ANK2: variants seen among roughly 807,000 people sequenced by gnomAD.
ANK2 encodes ankyrin 2.
Under a neutral mutation model 360.5 loss-of-function variants are expected in ANK2, and 83 were observed. The ratio of observed to expected loss-of-function variants is 0.23; its 90% confidence interval spans 0.19 to 0.28. The LOEUF (loss-of-function observed/expected upper bound fraction) is 0.28. ANK2 is among the 10% of genes least tolerant of loss of function. The pLI is 1.00. For missense variants in ANK2, 4,201 were observed against 4,795.7 expected (o/e 0.88, Z 3.66); for synonymous variants, 1,740 against 1,759.5 (o/e 0.99, Z 0.28).
intron 2 of ANK2, among the ~76,000 whole-genome samples, chr4:113,009,104 A>C (rs1015566744): frequency 6.6e-6 from 1 of 152,218 alleles, no homozygotes; most frequent in Non-Finnish European, 1.5e-5. Context: ...AAGGTTTTAA[A>C]TTATAAACAT....
intron 2 of ANK2, among the ~76,000 whole-genome samples, chr4:112,946,122 T>C (rs895298827): frequency 6.6e-6 from 1 of 152,192 alleles, no homozygotes; most frequent in Non-Finnish European, 1.5e-5. Context: ...GAAACTCAGT[T>C]GCCTTTCCTG....
the ANK2 span, among the ~76,000 whole-genome samples, chr4:112,717,429 G>T: frequency 6.6e-6 from 1 of 152,078 alleles, no homozygotes; most frequent in South Asian, 2.1e-4. Flanking sequence ...TTGGAATTGA[G>T]CAAATCAAAT....
At chr4:113,324,161 A>G (rs1037120984) in intron 26 of ANK2, among the ~76,000 whole-genome samples, 1 of 152,160 alleles carries the variant, frequency 6.6e-6, no homozygotes, top group African/African-American at 2.4e-5. Flanking sequence ...TTAGGGTTTT[A>G]TTAAAGGTTA....
intron 2 of ANK2, among the ~76,000 whole-genome samples, chr4:112,968,296 C>A (rs1252111636): frequency 6.6e-6 from 1 of 152,180 alleles, no homozygotes; most frequent in Non-Finnish European, 1.5e-5. Context: ...GATGTTGGGT[C>A]TCTGGCTCGG....
chr4:113,242,372 C>T (rs898093831), intron 9 of ANK2, among the ~76,000 whole-genome samples, 163 bp downstream of exon 9: 6 of 152,040 alleles, frequency 3.9e-5, no homozygotes, highest in South Asian at 2.1e-4. Context: ...GGGTTCATAC[C>T]GTACAGTGAA....
intron 1 of ANK2, among the ~76,000 whole-genome samples, chr4:112,864,790 T>C (rs1053318043): frequency 4.7e-5 from 7 of 150,024 alleles, no homozygotes; most frequent in Non-Finnish European, 3.0e-5. Context: ...ACTAGCACTT[T>C]GGGAGGCCGA....
the ANK2 span, among the ~76,000 whole-genome samples, chr4:112,790,876 T>G: frequency 2.0e-5 from 3 of 152,292 alleles, no homozygotes; most frequent in East Asian, 5.8e-4. Context: ...ACTAATTCAG[T>G]AAAATATAAT....
chr4:112,781,456 CTAAT>C, the ANK2 span, among the ~76,000 whole-genome samples: 1 of 152,028 alleles, frequency 6.6e-6, no homozygotes, highest in African/African-American at 2.4e-5. Context: ...TCAATGGTAA[CTAAT>C]CGTGTTTTAT....
intron 1 of ANK2, among the ~76,000 whole-genome samples, chr4:113,110,762 T>C (rs946946664): frequency 1.3e-5 from 2 of 152,166 alleles, no homozygotes; most frequent in African/African-American, 2.4e-5. Context: ...TATCGTAGTA[T>C]CTGCTGCACA....
chr4:113,201,850 T>C (rs1348862765), intron 4 of ANK2, among the ~76,000 whole-genome samples: 1 of 152,196 alleles, frequency 6.6e-6, no homozygotes, highest in Non-Finnish European at 1.5e-5. Context: ...TTATAAGGTA[T>C]AATCATGCCA....
At position 113,165,354 on chromosome 4, in the gene ANK2, A is replaced by C. The variant is rs897802567; in HGVS notation, c.85-9062A>C. On this transcript the variant is annotated intron_variant, in intron 1 of 45. Coordinates refer to ENST00000357077, the MANE Select transcript of ANK2 (RefSeq NM_001148.6). Reference sequence around the variant, plus strand: ...TATTAAATATCCAATGTGGAGCTGTAAGATTTGATTATTTCTATTGCTGGC... The same window carrying C: ...TATTAAATATCCAATGTGGAGCTGTCAGATTTGATTATTTCTATTGCTGGC... 3.9e-5 allele frequency among the ~76,000 whole-genome samples: 6 copies of C among 152,326 alleles called. 1 individual carries two copies. Among genetic ancestry groups the C allele is most frequent in the South Asian group, 4.1e-4 (2 of 4,834 alleles).
chr4:113,032,702 G>T (rs2154305436), intron 2 of ANK2, among the ~76,000 whole-genome samples: 1 of 152,090 alleles, frequency 6.6e-6, no homozygotes, highest in African/African-American at 2.4e-5. Flanking sequence ...GAGAAGGAAA[G>T]GACTCTTTTA....
intron 17 of ANK2, among the ~76,000 whole-genome samples, chr4:113,279,351 A>C (rs1586943589): frequency 6.6e-6 from 1 of 152,342 alleles, no homozygotes; most frequent in East Asian, 1.9e-4. Context: ...TATGCCGAGC[A>C]CTTTACAGGC....
intron 1 of ANK2, among the ~76,000 whole-genome samples, chr4:113,089,066 CA>C (rs879669431): frequency 1.3e-5 from 2 of 152,026 alleles, no homozygotes; most frequent in African/African-American, 2.4e-5. Flanking sequence ...GGAAGTATTC[CA>C]AAAAAGTGAA....
At chr4:113,331,778 C>T (rs1386893019) in intron 27 of ANK2, among the ~76,000 whole-genome samples, 194 bp from the exon 28 acceptor site, 1 of 152,070 alleles carries the variant, frequency 6.6e-6, no homozygotes, top group Non-Finnish European at 1.5e-5. Flanking sequence ...GCTCTCCTTG[C>T]ACAGACGCGC....
intron 2 of ANK2, among the ~76,000 whole-genome samples, chr4:112,935,881 C>A (rs1277055846): frequency 6.6e-6 from 1 of 151,832 alleles, no homozygotes; most frequent in Non-Finnish European, 1.5e-5. Context: ...CAAACTCAAC[C>A]AAGAATATAG....
intron 1 of ANK2, among the ~76,000 whole-genome samples, chr4:112,857,041 A>T (rs1481196437): frequency 6.8e-6 from 1 of 146,526 alleles, no homozygotes; most frequent in Non-Finnish European, 1.5e-5. Flanking sequence ...ATTTGATCAG[A>T]TATCAAGAGT....
chr4:113,097,828 T>G (rs1339732793), intron 1 of ANK2, among the ~76,000 whole-genome samples: 1 of 124,376 alleles, frequency 8.0e-6, no homozygotes, highest in Non-Finnish European at 1.7e-5. Context: ...TAAATTTTCC[T>G]CTTGTATATA....
At chr4:112,771,907 G>A in the ANK2 span, among the ~76,000 whole-genome samples, 5 of 152,120 alleles carry the variant, frequency 3.3e-5, no homozygotes, top group African/African-American at 4.8e-5. Flanking sequence ...ACTTAACAAG[G>A]CTTGTTTGTT....
Sources: allele counts gnomAD v4.1 joint callset (sites outside exome capture counted in the v4.1 genomes callset), GRCh38; gene constraint gnomAD v4.1.1; transcripts MANE v1.5; gene names NCBI Gene and HGNC (gene_info 2026-07-23, HGNC 2026-07-21).